The following TBC1D5 variants were observed in gnomAD, a reference collection of about 807,000 sequenced individuals.
TBC1D5 encodes TBC1 domain family member 5.
Under a neutral mutation model 100.3 loss-of-function variants are expected in TBC1D5, and 75 were observed. That is an observed-to-expected ratio of 0.75 (90% CI 0.62 to 0.91). The LOEUF (loss-of-function observed/expected upper bound fraction) is 0.91. TBC1D5 is among the 40% of genes least tolerant of loss of function. The pLI is 0.00. For missense variants in TBC1D5, 910 were observed against 942.4 expected (o/e 0.97, Z 0.45); for synonymous variants, 323 against 325.6 (o/e 0.99, Z 0.09).
intron 8 of TBC1D5, among the ~76,000 whole-genome samples, chr3:17,390,967 G>A (rs1347149044): frequency 2.0e-5 from 3 of 152,032 alleles, no homozygotes; most frequent in Non-Finnish European, 2.9e-5. Context: ...TCAGTTAGCT[G>A]TGGTCATGTG....
At chr3:17,341,592 G>A (rs1017707658) in intron 13 of TBC1D5, among the ~76,000 whole-genome samples, 4 of 152,128 alleles carry the variant, frequency 2.6e-5, no homozygotes, top group African/African-American at 9.7e-5. Flanking sequence ...CACAGAGTAA[G>A]GAGTAGAGTT....
At chr3:17,263,078 A>T (rs1012381826) in intron 15 of TBC1D5, among the ~76,000 whole-genome samples, 1 of 151,878 alleles carries the variant, frequency 6.6e-6, no homozygotes, top group Non-Finnish European at 1.5e-5. Flanking sequence ...AAATAAAAAA[A>T]ATTAGCTGGG....
At position 17,601,467 on chromosome 3, in the gene TBC1D5, C is replaced by T. The variant is rs546995725; in HGVS notation, c.-36+22382G>A. 1.8e-4 allele frequency among the ~76,000 whole-genome samples: 27 copies of T among 152,314 alleles called. 1 individual carries two copies. In the East Asian group the frequency reaches 2.5e-3, roughly 14 times the overall value. Reference sequence around the variant, plus strand: ...CGGAGGTTGTGGTGAGCCGAGATTGCGCCATTGCACTCCAGCCTGGGCAAC... The same window carrying T: ...CGGAGGTTGTGGTGAGCCGAGATTGTGCCATTGCACTCCAGCCTGGGCAAC... On this transcript the variant is annotated intron_variant, in intron 2 of 21. Coordinates refer to ENST00000253692, the Ensembl canonical transcript of TBC1D5.
chr3:17,706,384 G>A (rs1024053484), intron 1 of TBC1D5, among the ~76,000 whole-genome samples: 1 of 151,820 alleles, frequency 6.6e-6, no homozygotes, highest in African/African-American at 2.4e-5. Flanking sequence ...TAAATTCCTA[G>A]GTTTAATCAG....
chr3:17,182,535 C>T (rs572340390), intron 19 of TBC1D5, among the ~76,000 whole-genome samples: 11 of 152,188 alleles, frequency 7.2e-5, no homozygotes, highest in Admixed American at 3.9e-4. Context: ...GTGTACCAAA[C>T]AACTTGGGAA....
chr3:17,480,478 G>A (rs1239024180), intron 3 of TBC1D5, among the ~76,000 whole-genome samples: 1 of 152,162 alleles, frequency 6.6e-6, no homozygotes, highest in Non-Finnish European at 1.5e-5. Flanking sequence ...CCTCCCTTCT[G>A]AGCCCATAAA....
intron 2 of TBC1D5, among the ~76,000 whole-genome samples, chr3:17,574,716 C>T: frequency 6.6e-6 from 1 of 152,106 alleles, no homozygotes; most frequent in East Asian, 1.9e-4. Context: ...GAAAACAAAA[C>T]AGACCTCAGG....
At chr3:17,393,463 G>GA (rs2093416214) in intron 8 of TBC1D5, among the ~76,000 whole-genome samples, 1 of 151,920 alleles carries the variant, frequency 6.6e-6, no homozygotes, top group Non-Finnish European at 1.5e-5. Flanking sequence ...CAGAGAATTA[G>GA]AAAAAAATAC....
At chr3:17,732,936 T>C (rs928761998) in intron 1 of TBC1D5, among the ~76,000 whole-genome samples, 1 of 152,062 alleles carries the variant, frequency 6.6e-6, no homozygotes, top group Non-Finnish European at 1.5e-5. Flanking sequence ...AGTAGTTTTG[T>C]GACAAGATGG....
intron 2 of TBC1D5, among the ~76,000 whole-genome samples, chr3:17,538,514 G>A (rs527696237): frequency 3.3e-5 from 5 of 152,270 alleles, no homozygotes; most frequent in African/African-American, 1.2e-4. Context: ...CCTTCCAAGT[G>A]TACTGCTTCC....
intron 21 of TBC1D5, among the ~76,000 whole-genome samples, chr3:17,165,776 A>C (rs2066530636): frequency 6.6e-6 from 1 of 152,252 alleles, no homozygotes; most frequent in African/African-American, 2.4e-5. Flanking sequence ...AATATTATTA[A>C]TAATTTAAAA....
intron 1 of TBC1D5, among the ~76,000 whole-genome samples, chr3:17,670,935 A>T (rs1447377806): frequency 6.6e-6 from 1 of 152,232 alleles, no homozygotes; most frequent in Non-Finnish European, 1.5e-5. Flanking sequence ...GTGTGCAGAT[A>T]TCTAGCAGGT....
At chr3:17,595,167 C>T (rs945636224) in intron 2 of TBC1D5, among the ~76,000 whole-genome samples, 4 of 152,202 alleles carry the variant, frequency 2.6e-5, no homozygotes, top group Non-Finnish European at 4.4e-5. Flanking sequence ...CTTCTTGCTC[C>T]TCAGCCTGCA....
At chr3:17,302,878 T>C (rs1429037416) in intron 14 of TBC1D5, among the ~76,000 whole-genome samples, 2 of 152,228 alleles carry the variant, frequency 1.3e-5, no homozygotes, top group African/African-American at 4.8e-5. Context: ...AGATTTAAAC[T>C]ACTAAGTGTA....
intron 3 of TBC1D5, among the ~76,000 whole-genome samples, chr3:17,431,127 G>A (rs868668523): frequency 6.6e-6 from 1 of 151,846 alleles, no homozygotes; most frequent in African/African-American, 2.4e-5. Flanking sequence ...TCATGGGAAC[G>A]TATATGTAGT....
chr3:17,245,556 T>C (rs2076669513), intron 16 of TBC1D5, among the ~76,000 whole-genome samples: 2 of 152,178 alleles, frequency 1.3e-5, no homozygotes. Flanking sequence ...AAAGGAGTAG[T>C]GTTTGTTAGG....
At chr3:17,553,143 A>T (rs2153453876) in intron 2 of TBC1D5, among the ~76,000 whole-genome samples, 1 of 152,268 alleles carries the variant, frequency 6.6e-6, no homozygotes, top group Middle Eastern at 3.4e-3. Context: ...GATGGGTAAG[A>T]AAGAGAGGGA....
intron 15 of TBC1D5, among the ~76,000 whole-genome samples, chr3:17,289,041 T>C (rs914151877): frequency 2.0e-5 from 3 of 152,198 alleles, no homozygotes; most frequent in African/African-American, 7.2e-5. Flanking sequence ...CTCTGGGGCT[T>C]CGGGGTTGTG....
chr3:17,711,612 T>C (rs1480988366), intron 1 of TBC1D5, among the ~76,000 whole-genome samples: 2 of 152,356 alleles, frequency 1.3e-5, no homozygotes, highest in East Asian at 3.8e-4. Context: ...AATAGTATCA[T>C]ACGTATTTTT....
Sources: allele counts gnomAD v4.1 joint callset (sites outside exome capture counted in the v4.1 genomes callset), GRCh38; gene constraint gnomAD v4.1.1; transcripts MANE v1.5; gene names NCBI Gene and HGNC (gene_info 2026-07-23, HGNC 2026-07-21).